The following ACTL8 variants were observed in gnomAD, a reference collection of about 807,000 sequenced individuals.
ACTL8 encodes the protein actin like 8, also known as actin-like protein 8.
ACTL8 carries 3 observed loss-of-function variants against 9.3 expected under a neutral mutation model. That is an observed-to-expected ratio of 0.32 (90% CI 0.15 to 0.83). The LOEUF is 0.83. ACTL8 is among the 40% of genes least tolerant of loss of function. The pLI, the probability that ACTL8 is intolerant of heterozygous loss-of-function variation, is 0.57. For missense variants in ACTL8, 381 were observed against 492.2 expected, an observed-to-expected ratio of 0.77 and a Z score of 2.14; for synonymous variants, 224 against 205.9, an observed-to-expected ratio of 1.09 and a Z score of -0.75.
chr1:17,773,148 T>A (rs1056096455), intron 1 of ACTL8, among the ~76,000 whole-genome samples: 1 of 152,200 alleles, frequency 6.6e-6, no homozygotes, highest in African/African-American at 2.4e-5. Flanking sequence ...TTTACGTTAA[T>A]AACAAGGATT....
At chr1:17,755,556 GTT>G (rs1367553131) in intron 1 of ACTL8, 52 bp downstream of exon 1, 19 of 130,084 alleles carry the variant, frequency 1.5e-4, no homozygotes, top group African/African-American at 2.6e-4. Context: ...GCCCCTGACT[GTT>G]TTTTTTTTTT....
chr1:17,792,379 T>G (rs2066246053), intron 1 of ACTL8, among the ~76,000 whole-genome samples: 2 of 152,240 alleles, frequency 1.3e-5, no homozygotes, highest in Admixed American at 6.5e-5. Context: ...ATTTATAAAG[T>G]ACCATGTGAA....
intron 1 of ACTL8, among the ~76,000 whole-genome samples, chr1:17,800,021 G>A (rs1002562240): frequency 3.9e-5 from 6 of 152,138 alleles, no homozygotes; most frequent in African/African-American, 1.4e-4. Flanking sequence ...ATGCCTCGGA[G>A]GCCAGAAGTT....
chr1:17,807,585 G>A (rs918874638), intron 1 of ACTL8, among the ~76,000 whole-genome samples: 2 of 152,150 alleles, frequency 1.3e-5, no homozygotes, highest in African/African-American at 2.4e-5. Context: ...CAAAGACTTG[G>A]AACCAACCCA....
intron 1 of ACTL8, among the ~76,000 whole-genome samples, chr1:17,791,174 G>A (rs2066236688): frequency 1.3e-5 from 2 of 152,156 alleles, no homozygotes; most frequent in Non-Finnish European, 2.9e-5. Flanking sequence ...GACAGCTGCA[G>A]CGGCACCCAG....
chr1:17,799,771 C>G (rs1352430915), intron 1 of ACTL8, among the ~76,000 whole-genome samples: 4 of 152,176 alleles, frequency 2.6e-5, no homozygotes, highest in Non-Finnish European at 4.4e-5. Flanking sequence ...CCTGTGTTCT[C>G]TGTCTGATAA....
chr1:17,768,862 G>A (rs1189258028), intron 1 of ACTL8, among the ~76,000 whole-genome samples: 1 of 152,166 alleles, frequency 6.6e-6, no homozygotes, highest in Non-Finnish European at 1.5e-5. Context: ...ACCAGGCTGA[G>A]GAGTGTAGTC....
At chr1:17,768,301 G>C (rs529021539) in intron 1 of ACTL8, among the ~76,000 whole-genome samples, 1 of 83,374 alleles carries the variant, frequency 1.2e-5, no homozygotes, top group Non-Finnish European at 3.2e-5. Flanking sequence ...TACCCAGAGA[G>C]AGGGGACCTA....
rs999812349 is a variant in ACTL8, at chr1:17,826,618, G to A, written c.*99G>A. The A allele has an allele frequency of 1.6e-6, 2 of 1,249,726 alleles. No individual in the cohort carries two copies. The highest frequency in any genetic ancestry group is 1.1e-6 in the Non-Finnish European group (1 of 934,498). The allele number at this position is 1,249,726 out of a possible 1,614,324, so 77.4% of individuals were successfully genotyped here. ...GGGTGGGGGTAGAATGAGGTGGGGT[G>A]GGGTGAGCTGGCTTTGGAATTCTAG... On this transcript the variant is annotated 3_prime_UTR_variant, in exon 3 of 3. Coordinates refer to ENST00000375406, the MANE Select transcript of ACTL8 (RefSeq NM_030812.3). This position sits in a 1 kb window ranked among gnomAD's most constrained non-coding sequence, Gnocchi z 4.5.
intron 1 of ACTL8, among the ~76,000 whole-genome samples, chr1:17,761,536 G>A (rs2066005798): frequency 6.6e-6 from 1 of 151,954 alleles, no homozygotes; most frequent in African/African-American, 2.4e-5. Context: ...GAAGGAACAC[G>A]GGGAAGGCAG....
At chr1:17,787,705 T>C (rs2066208287) in intron 1 of ACTL8, among the ~76,000 whole-genome samples, 1 of 152,014 alleles carries the variant, frequency 6.6e-6, no homozygotes, top group African/African-American at 2.4e-5. Context: ...AGCACCAAGA[T>C]AAACCTCCTT....
chr1:17,792,005 A>T (rs924710616), intron 1 of ACTL8, among the ~76,000 whole-genome samples: 2 of 152,056 alleles, frequency 1.3e-5, no homozygotes, highest in African/African-American at 4.8e-5. Context: ...GCCCCCCCTC[A>T]TCAACCCCAT....
chr1:17,804,244 A>T (rs936120454), intron 1 of ACTL8, among the ~76,000 whole-genome samples: 8 of 152,122 alleles, frequency 5.3e-5, no homozygotes, highest in Non-Finnish European at 1.0e-4. Context: ...CTCAGAGCTG[A>T]CACCCACCAG....
At chr1:17,797,209 C>G (rs572267025) in intron 1 of ACTL8, among the ~76,000 whole-genome samples, 1 of 152,262 alleles carries the variant, frequency 6.6e-6, no homozygotes, top group Non-Finnish European at 1.5e-5. Flanking sequence ...CTGCACCTCT[C>G]CAGGCAGGAC....
At chr1:17,818,407 A>C (rs2066443243) in intron 1 of ACTL8, among the ~76,000 whole-genome samples, 3 of 152,160 alleles carry the variant, frequency 2.0e-5, no homozygotes, top group South Asian at 4.1e-4. Flanking sequence ...TCCTTTCACA[A>C]GTGAAGTCAG....
intron 1 of ACTL8, among the ~76,000 whole-genome samples, chr1:17,795,570 TA>T (rs11288030): frequency 0.22 from 32,690 of 152,002 alleles, 4,357 homozygotes; most frequent in Admixed American, 0.38. Context: ...TTAGGAGCAA[TA>T]AAAAAAGAAA....
chr1:17,795,740 C>G (rs985673021), intron 1 of ACTL8, among the ~76,000 whole-genome samples: 1 of 152,126 alleles, frequency 6.6e-6, no homozygotes, highest in Non-Finnish European at 1.5e-5. Flanking sequence ...GGGGTACAGA[C>G]CCTCAGAAGG....
In ACTL8 at chr1:17,817,189, A is replaced by ATT. The variant is rs34552700; in HGVS notation, c.-24-5783_-24-5782dup. ...GCCTGTGGTAATGTACCTTAATGCC[A>ATT]TTTTTTTTTTTTTTCTGATCTGGGA... On this transcript the variant is annotated intron_variant, in intron 1 of 2. Transcript: ENST00000375406. Among the ~76,000 whole-genome samples the ATT allele has an allele frequency of 4.9e-3, 669 of 136,840 alleles. 6 individuals are homozygous for ATT. Among genetic ancestry groups the ATT allele is most frequent in the African/African-American group, 0.013 (504 of 37,498 alleles). 89.8% of individuals were successfully genotyped at this position (136,840 alleles called of 152,430 possible).
chr1:17,819,387 A>C (rs1482290875), intron 1 of ACTL8, among the ~76,000 whole-genome samples: 3 of 152,154 alleles, frequency 2.0e-5, no homozygotes, highest in Non-Finnish European at 4.4e-5. Context: ...GGCTCTCCCC[A>C]GGTCTATGTC....
Sources: gnomAD v4.1 joint callset for allele counts (sites outside exome capture counted in the v4.1 genomes callset) on GRCh38, gnomAD v4.1.1 for gene constraint, Gnocchi (gnomAD v3.1) non-coding constraint, MANE v1.5 for transcripts, NCBI Gene and HGNC (gene_info 2026-07-23, HGNC 2026-07-21) for gene names.